Variants in MYOF observed in about 807,000 individuals in gnomAD.
The protein encoded by MYOF is fer-1-like 3, myoferlin.
A neutral mutation model predicts 284.2 loss-of-function variants in MYOF; 244 were observed. That is an observed-to-expected ratio of 0.86 (90% CI 0.77 to 0.95). The LOEUF (loss-of-function observed/expected upper bound fraction) is 0.95. Ranked by LOEUF, MYOF falls within the 40% of genes least tolerant of loss-of-function variation. MYOF has a pLI of 0.00. For missense variants in MYOF, 2,496 were observed against 2,560.6 expected (o/e 0.97, Z 0.54); for synonymous variants, 904 against 919.7 (o/e 0.98, Z 0.31).
chr10:93,452,282 A>C, intron 2 of MYOF, 141 bp from the exon 3 acceptor site: 1 of 685,670 alleles, frequency 1.5e-6, no homozygotes, highest in Non-Finnish European at 2.5e-6. Context: ...AGAAATGATT[A>C]AATTCTAAAC....
At chr10:93,428,246 G>GA (rs1420810882) in intron 4 of MYOF, among the ~76,000 whole-genome samples, 1 of 150,064 alleles carries the variant, frequency 6.7e-6, no homozygotes, top group African/African-American at 2.5e-5. Context: ...GCCCAGGCTG[G>GA]AGCACAATGG....
chr10:93,469,031 AAT>A (rs2057076124), intron 1 of MYOF, among the ~76,000 whole-genome samples: 3 of 152,180 alleles, frequency 2.0e-5, no homozygotes, highest in Admixed American at 6.5e-5. Flanking sequence ...TCTGAGTCTA[AAT>A]ATCTTCATCT....
chr10:93,364,204 G>T, intron 26 of MYOF, 129 bp from the exon 27 acceptor site: 3 of 680,396 alleles, frequency 4.4e-6, no homozygotes, highest in Admixed American at 2.8e-5. Context: ...TACCCCTGTT[G>T]GTTCTGACTC....
chr10:93,431,420 C>A lies in MYOF; in HGVS notation c.333G>T (p.Gly111=). The change falls in exon 4 of 54, where the codon GGG becomes GGT. Residue 111 remains glycine (G), a synonymous_variant. Transcript: ENST00000359263. ...YKLISLLNEK[G]QDTGATIDLV... ...AGAAAACACTCACCCCAGTATCTTG[C>A]CCTTTTTCATTTAGCAGGGAGATCA... The A allele has an allele frequency of 1.2e-6, 2 of 1,613,862 alleles. No individual in the cohort carries two copies. The highest frequency in any genetic ancestry group is 1.7e-6 in the Non-Finnish European group (2 of 1,179,828).
At position 93,316,945 on chromosome 10, in the gene MYOF, C is replaced by T; in HGVS notation, c.5599-132G>A. 5 of 676,964 alleles carry T rather than the reference C, an allele frequency of 7.4e-6. No homozygotes were observed. In the South Asian group the frequency reaches 9.2e-5, roughly 12 times the overall value. The allele number at this position is 676,964 out of a possible 1,614,324, so 41.9% of individuals were successfully genotyped here. A position where few individuals can be genotyped will look rare whatever the true frequency, so the allele number is the denominator to read the frequency against. ...GACACTCCCTTGGGCCTAAATCCTT[C>T]CACTCTATCTGTACAGAGAGCAGTC... On this transcript the variant is annotated intron_variant, in intron 49 of 53. Coordinates refer to ENST00000359263, the MANE Select transcript of MYOF (RefSeq NM_013451.4).
chr10:93,402,130 G>A (rs538077923), intron 11 of MYOF, 102 bp downstream of exon 11: 39 of 845,322 alleles, frequency 4.6e-5, no homozygotes, highest in South Asian at 1.7e-4. Flanking sequence ...GGGTATTGAC[G>A]GGAAGCTGTG....
At chr10:93,369,828 T>C (rs750731655) in intron 24 of MYOF, 52 bp from the exon 25 acceptor site, 1 of 1,603,298 alleles carries the variant, frequency 6.2e-7, no homozygotes, top group Non-Finnish European at 8.5e-7. Context: ...GCAAAGACTG[T>C]GACATTAAGT....
Position 93,353,890 on chromosome 10 carries a change from TA to T in MYOF, c.3404-3del, listed in dbSNP as rs749035035. 1.9e-6 allele frequency: 3 copies of T among 1,600,524 alleles called. No homozygotes were observed. The highest frequency in any genetic ancestry group is 2.2e-5 in the East Asian group (1 of 44,616). On this transcript the variant is annotated splice_polypyrimidine_tract_variant and splice_region_variant and intron_variant, in intron 31 of 53. Transcript: ENST00000359263. ...AGCGCAGATGGTAGATGTAGACTCC[TA>T]AAAAAACAGGATAAAGATTACTTAC...
intron 51 of MYOF, among the ~76,000 whole-genome samples, chr10:93,311,410 G>A (rs1842381452): frequency 6.8e-6 from 1 of 146,698 alleles, no homozygotes; most frequent in Admixed American, 7.0e-5. Flanking sequence ...AGGAGTTCAA[G>A]ACCAGCCTGG....
intron 3 of MYOF, among the ~76,000 whole-genome samples, chr10:93,448,047 T>C (rs1413535780): frequency 6.6e-6 from 1 of 152,094 alleles, no homozygotes; most frequent in Non-Finnish European, 1.5e-5. Flanking sequence ...AAGCCACATA[T>C]ATTGTGGTTT....
chr10:93,316,054 G>A (rs1161582149), intron 50 of MYOF, among the ~76,000 whole-genome samples: 1 of 152,128 alleles, frequency 6.6e-6, no homozygotes, highest in African/African-American at 2.4e-5. Context: ...GAACCCAGGA[G>A]GTTGAGGTTG....
chr10:93,480,498 C>T (rs967098669), intron 1 of MYOF, among the ~76,000 whole-genome samples: 15 of 94,988 alleles, frequency 1.6e-4, no homozygotes, highest in South Asian at 7.3e-4. Context: ...TTTTTTGAGA[C>T]GGAGTCTCAC....
intron 13 of MYOF, among the ~76,000 whole-genome samples, chr10:93,397,808 C>A (rs1847093236): frequency 1.3e-5 from 2 of 151,946 alleles, no homozygotes. Flanking sequence ...TTTGACCCTG[C>A]CCGCCAGCCT....
chr10:93,477,264 G>A (rs2057283668), intron 1 of MYOF, among the ~76,000 whole-genome samples: 2 of 152,218 alleles, frequency 1.3e-5, no homozygotes, highest in East Asian at 3.9e-4. Context: ...GGCCGAGGCG[G>A]GTGGATCACC....
intron 1 of MYOF, among the ~76,000 whole-genome samples, chr10:93,461,131 C>G (rs2056871585): frequency 6.6e-6 from 1 of 151,114 alleles, no homozygotes; most frequent in African/African-American, 2.5e-5. Flanking sequence ...AAAGCTCCAC[C>G]AGGCTTTTGC....
At chr10:93,337,963 A>C (rs751011617) in intron 39 of MYOF, 50 bp from the exon 40 acceptor site, 7 of 1,336,410 alleles carry the variant, frequency 5.2e-6, no homozygotes, top group Non-Finnish European at 7.5e-6. Flanking sequence ...CTGGATTTCC[A>C]ATCGATGCAG....
At chr10:93,352,691 A>G (rs192226988) in intron 32 of MYOF, among the ~76,000 whole-genome samples, 20 of 152,354 alleles carry the variant, frequency 1.3e-4, no homozygotes, top group Admixed American at 5.2e-4. Context: ...CTAGCAGTGG[A>G]GCCATCATAT....
chr10:93,341,596 C>G (rs192949284), intron 38 of MYOF, among the ~76,000 whole-genome samples: 2 of 152,298 alleles, frequency 1.3e-5, no homozygotes, highest in Non-Finnish European at 2.9e-5. Flanking sequence ...TTATTTAAGA[C>G]AAGTTGCTGA....
chr10:93,482,052 A>C (rs2057390160), intron 1 of MYOF, 55 bp downstream of exon 1: 1 of 1,514,412 alleles, frequency 6.6e-7, no homozygotes, highest in South Asian at 1.1e-5. Flanking sequence ...AAGGTGACTC[A>C]AGAAACTAAC....
Sources: gnomAD v4.1 joint callset for allele counts (sites outside exome capture counted in the v4.1 genomes callset) on GRCh38, gnomAD v4.1.1 for gene constraint, MANE v1.5 for transcripts, NCBI Gene and HGNC (gene_info 2026-07-23, HGNC 2026-07-21) for gene names.